The following PTPRS variants were observed in gnomAD, a reference collection of about 807,000 sequenced individuals.
The protein encoded by PTPRS is protein tyrosine phosphatase receptor type S.
In PTPRS, 63 loss-of-function variants were observed where a neutral mutation model predicts 215.3. The ratio of observed to expected loss-of-function variants is 0.29; its 90% CI spans 0.24 to 0.36. The LOEUF (loss-of-function observed/expected upper bound fraction) is 0.36, where lower values mean the gene tolerates loss of function less well. Ranked by LOEUF, PTPRS falls within the 10% of genes least tolerant of loss-of-function variation. PTPRS has a pLI of 1.00. For synonymous variants in PTPRS, 1,404 were observed against 1,191.4 expected, an observed-to-expected ratio of 1.18 and a Z score of -3.68; for missense variants, 2,258 against 2,825.8, an observed-to-expected ratio of 0.80 and a Z score of 4.56.
Position 5,210,346 on chromosome 19 carries a change from C to T in PTPRS, c.5487+123G>A. ...AGCAAGTGGCCAACTGGTCAGCTGA[C>T]ACTTCTCCTGATTCCCAATGCTTAT... On this transcript the variant is annotated intron_variant, in intron 35 of 37. Transcript: ENST00000262963. The surrounding 1 kb of genome is among the most constrained non-coding windows in gnomAD (Gnocchi z 4.5). 1 of 1,420,312 alleles carries T rather than the reference C, an allele frequency of 7.0e-7. No homozygotes were observed. Among genetic ancestry groups the T allele is most frequent in the South Asian group, 1.3e-5 (1 of 77,230 alleles). 88.0% of individuals were successfully genotyped at this position (1,420,312 alleles called of 1,614,324 possible). A position where few individuals can be genotyped will look rare whatever the true frequency, so the allele number is the denominator to read the frequency against.
rs185487357 is a variant in PTPRS, at chr19:5,324,891, C to T, written c.-95+15773G>A. On this transcript the variant is annotated intron_variant, in intron 1 of 37. Transcript: ENST00000262963. The stretch of plus-strand genomic sequence containing the variant: ...CTTCGAGTCTGGGGTCTCTGGAGCA[C>T]AGGGGCAAGAAGAGCCACATCCCCA... Among the ~76,000 whole-genome samples, 153 of 152,292 alleles carry T rather than the reference C, an allele frequency of 1.0e-3. 2 individuals are homozygous for T. Among genetic ancestry groups the T allele is most frequent in the Admixed American group, 9.1e-4 (14 of 15,302 alleles).
chr19:5,314,884 T>C (rs1433045221), intron 1 of PTPRS, among the ~76,000 whole-genome samples: 3 of 152,194 alleles, frequency 2.0e-5, no homozygotes, highest in African/African-American at 7.2e-5. Context: ...CCTTGGATCA[T>C]TCAGAACGTG....
At chr19:5,285,468 A>G (rs964934067) in intron 2 of PTPRS, among the ~76,000 whole-genome samples, 4 of 152,170 alleles carry the variant, frequency 2.6e-5, no homozygotes, top group African/African-American at 9.7e-5. Flanking sequence ...TGTCATCCTG[A>G]CGAGGAATGG....
intron 13 of PTPRS, among the ~76,000 whole-genome samples, chr19:5,236,906 G>A (rs1189860060): frequency 6.7e-6 from 1 of 149,862 alleles, no homozygotes; most frequent in Non-Finnish European, 1.5e-5. Context: ...GATTTGCTGA[G>A]AAAGGGGGAG....
At position 5,302,404 on chromosome 19, in the gene PTPRS, TTAAACCAATTTACTTAA is replaced by T. The variant is rs531863847; in HGVS notation, c.-94-16187_-94-16171del. Among the ~76,000 whole-genome samples the T allele has an allele frequency of 9.2e-4, 140 of 152,224 alleles. 1 individual carries two copies. In the South Asian group the frequency reaches 0.027, roughly 29 times the overall value. On this transcript the variant is annotated intron_variant, in intron 1 of 37. Transcript: ENST00000262963. ...CATGCCACTGTCTCCCGTCTTTTCCTTAAACCAATTTACTTAAGAAACTAATTCAACAGTATCGCATA... is the reference window on the plus strand; with the variant it reads ...CATGCCACTGTCTCCCGTCTTTTCCTGAAACTAATTCAACAGTATCGCATA...
intron 1 of PTPRS, among the ~76,000 whole-genome samples, chr19:5,333,979 C>A (rs1310706814): frequency 6.7e-6 from 1 of 149,622 alleles, no homozygotes; most frequent in Non-Finnish European, 1.5e-5. Flanking sequence ...AAACTCCCCC[C>A]TTTGGTGATC....
chr19:5,284,096 C>T (rs1323996242), intron 2 of PTPRS, among the ~76,000 whole-genome samples: 2 of 152,044 alleles, frequency 1.3e-5, no homozygotes, highest in East Asian at 1.9e-4. Flanking sequence ...CTCAGTGGCT[C>T]ATGCCTGTAA....
intron 12 of PTPRS, 55 bp downstream of exon 12, chr19:5,240,144 A>G: frequency 6.9e-7 from 1 of 1,443,940 alleles, no homozygotes; most frequent in Non-Finnish European, 9.1e-7. Flanking sequence ...GGGCAGCGTC[A>G]GAGAGCGCCG....
At chr19:5,260,727 C>T (rs1432543135) in intron 7 of PTPRS, 78 bp downstream of exon 7, 12 of 1,565,888 alleles carry the variant, frequency 7.7e-6, no homozygotes, top group African/African-American at 2.7e-5. Context: ...GGCCTGGGGG[C>T]AGGCCCTGTG....
rs73543247 is a variant in PTPRS, at chr19:5,210,032, C to T, written c.5487+437G>A. Among the ~76,000 whole-genome samples the T allele has an allele frequency of 1.3e-5, 2 of 152,132 alleles. No homozygotes were observed. The highest frequency in any genetic ancestry group is 2.9e-5 in the Non-Finnish European group (2 of 68,020). On this transcript the variant is annotated intron_variant, in intron 35 of 37. Coordinates refer to ENST00000262963, the MANE Select transcript of PTPRS (RefSeq NM_002850.4). This position sits in a 1 kb window ranked among gnomAD's most constrained non-coding sequence, Gnocchi z 4.5. ...ACCTGGCCTTTCTCCCTCCACCTGA[C>T]ACTGCAGTCCTTCATTGAGCCAACA... is the stretch of plus-strand genomic sequence containing the variant.
intron 13 of PTPRS, 24 bp downstream of exon 13, chr19:5,238,895 A>G: frequency 1.9e-6 from 3 of 1,564,024 alleles, no homozygotes; most frequent in Non-Finnish European, 2.6e-6. Flanking sequence ...CCCGCAGAGA[A>G]GGGCGGCCCC....
intron 1 of PTPRS, among the ~76,000 whole-genome samples, chr19:5,336,877 G>C (rs1050349588): frequency 2.6e-5 from 4 of 152,170 alleles, no homozygotes; most frequent in African/African-American, 9.7e-5. Flanking sequence ...GACGGAGGAA[G>C]GGCAACCTGC....
Position 5,211,452 on chromosome 19 carries a change from T to A in PTPRS, c.5234+138A>T, listed in dbSNP as rs1419896777. 5.0e-6 allele frequency: 4 copies of A among 797,232 alleles called. No homozygotes were observed. In the South Asian group the frequency reaches 6.6e-5, roughly 13 times the overall value. The allele number at this position is 797,232 out of a possible 1,614,324, so 49.4% of individuals were successfully genotyped here. On this transcript the variant is annotated intron_variant, in intron 33 of 37. Coordinates refer to ENST00000262963, the MANE Select transcript of PTPRS (RefSeq NM_002850.4). ...ACGGACAGCAGCCATCAGTTAAATA[T>A]ACATCTAAAGATGTGTATTTAAACA...
At chr19:5,283,908 T>C (rs2048096091) in intron 2 of PTPRS, among the ~76,000 whole-genome samples, 1 of 151,786 alleles carries the variant, frequency 6.6e-6, no homozygotes, top group Non-Finnish European at 1.5e-5. Context: ...ACTCCATCTC[T>C]GTAAGAAATT....
chr19:5,334,461 T>C (rs1358200473), intron 1 of PTPRS, among the ~76,000 whole-genome samples: 19 of 152,192 alleles, frequency 1.2e-4, no homozygotes, highest in Non-Finnish European at 1.9e-4. Context: ...CTCTTCTCCA[T>C]AGACAGATGA....
rs542931944 is a variant in PTPRS at position 5,206,452 on chromosome 19, C to T, written c.*322G>A. 40 of 388,544 alleles carry T rather than the reference C, an allele frequency of 1.0e-4. No homozygotes were observed. The South Asian group carries it at 1.1e-3, about 10-fold the overall frequency. 24.1% of individuals were successfully genotyped at this position (388,544 alleles called of 1,614,324 possible). A position where few individuals can be genotyped will look rare whatever the true frequency, so the allele number is the denominator to read the frequency against. On this transcript the variant is annotated 3_prime_UTR_variant, in exon 38 of 38. Coordinates refer to ENST00000262963, the MANE Select transcript of PTPRS (RefSeq NM_002850.4). The stretch of plus-strand genomic sequence containing the variant: ...GTCCGTCTATGGTCTGTGCCCCACC[C>T]TCCTCTGGTTCTGGGGAGCACTCCT...
At chr19:5,335,100 C>T (rs760872648) in intron 1 of PTPRS, among the ~76,000 whole-genome samples, 3 of 152,210 alleles carry the variant, frequency 2.0e-5, no homozygotes, top group South Asian at 2.1e-4. Flanking sequence ...CGTGACAGCG[C>T]GACGATGGGC....
At chr19:5,316,825 G>A (rs182326782) in intron 1 of PTPRS, among the ~76,000 whole-genome samples, 8 of 152,200 alleles carry the variant, frequency 5.3e-5, no homozygotes, top group Admixed American at 3.3e-4. Context: ...CACCACACCC[G>A]GCTGTGATTT....
At chr19:5,225,896 A>G in intron 16 of PTPRS, 52 bp from the exon 17 acceptor site, 1 of 1,351,554 alleles carries the variant, frequency 7.4e-7, no homozygotes, top group Non-Finnish European at 1.0e-6. Flanking sequence ...GAGCAGCCCC[A>G]CCCACCCCCA....
Sources: gnomAD v4.1 joint callset for allele counts (sites outside exome capture counted in the v4.1 genomes callset) on GRCh38, gnomAD v4.1.1 for gene constraint, Gnocchi (gnomAD v3.1) non-coding constraint, MANE v1.5 for transcripts, NCBI Gene and HGNC (gene_info 2026-07-23, HGNC 2026-07-21) for gene names.